The following CSTPP1 variants were observed in gnomAD, a reference collection of about 807,000 sequenced individuals.
The protein encoded by CSTPP1 is centriolar satellite-associated tubulin polyglutamylase complex regulator 1, also known as UPF0705 protein C11orf49.
chr11:47,061,619 A>G, the CSTPP1 span, among the ~76,000 whole-genome samples: 5 of 152,142 alleles, frequency 3.3e-5, no homozygotes, highest in Non-Finnish European at 5.9e-5. Flanking sequence ...GAACTGTTCC[A>G]TGTGGTCTCT....
the CSTPP1 span, among the ~76,000 whole-genome samples, chr11:47,094,229 C>T: frequency 6.6e-6 from 1 of 152,066 alleles, no homozygotes; most frequent in Non-Finnish European, 1.5e-5. Flanking sequence ...CCACTAGCCT[C>T]CTATGGCTAT....
At chr11:46,987,489 A>G in the CSTPP1 span, 2 of 474,490 alleles carry the variant, frequency 4.2e-6, no homozygotes, top group Non-Finnish European at 7.3e-6. Flanking sequence ...TGGTGCAGCT[A>G]GTTTGTCCAG....
the CSTPP1 span, among the ~76,000 whole-genome samples, chr11:46,955,571 G>A: frequency 6.6e-6 from 1 of 151,590 alleles, no homozygotes; most frequent in Non-Finnish European, 1.5e-5. Flanking sequence ...CACCGTGTTG[G>A]CCAGGATGGT....
chr11:47,107,247 G>A, the CSTPP1 span, among the ~76,000 whole-genome samples: 6 of 152,164 alleles, frequency 3.9e-5, no homozygotes, highest in South Asian at 1.2e-3. Flanking sequence ...GGCTCTGGAT[G>A]GTATTATTAA....
chr11:47,114,010 G>C, the CSTPP1 span, among the ~76,000 whole-genome samples: 6,982 of 152,194 alleles, frequency 0.046, 546 homozygotes, highest in African/African-American at 0.16. Flanking sequence ...AATCCATCTT[G>C]AATTAATTTT....
At chr11:47,149,987 C>T in the CSTPP1 span, among the ~76,000 whole-genome samples, 3 of 152,038 alleles carry the variant, frequency 2.0e-5, no homozygotes, top group African/African-American at 4.8e-5. Flanking sequence ...TCTAGATCCC[C>T]GTGGCATCTC....
At chr11:47,122,091 A>AAATATATATATATAT in the CSTPP1 span, among the ~76,000 whole-genome samples, 13 of 31,846 alleles carry the variant, frequency 4.1e-4, no homozygotes, top group Non-Finnish European at 7.0e-4. Context: ...AAAAAAAAAA[A>AAATATATATATATAT]ATATATATAT....
the CSTPP1 span, among the ~76,000 whole-genome samples, chr11:47,101,432 T>C: frequency 1.3e-5 from 2 of 151,836 alleles, no homozygotes; most frequent in Admixed American, 1.3e-4. Flanking sequence ...TATGGATAGT[T>C]TTAAGATGTG....
chr11:46,965,648 C>A, the CSTPP1 span, among the ~76,000 whole-genome samples: 1 of 152,096 alleles, frequency 6.6e-6, no homozygotes, highest in Admixed American at 6.6e-5. Context: ...CAGATGAATT[C>A]TCATATTTGC....
chr11:47,123,089 T>C, the CSTPP1 span: 1 of 152,346 alleles, frequency 6.6e-6, no homozygotes, highest in South Asian at 2.1e-4. Context: ...CTTAATATCA[T>C]GAGGTCATGT....
At chr11:47,103,868 C>G in the CSTPP1 span, 2 of 151,856 alleles carry the variant, frequency 1.3e-5, no homozygotes, top group Non-Finnish European at 2.9e-5. Flanking sequence ...TGGGGTCTCA[C>G]TATGTTGCCC....
chr11:47,066,897 G>A, the CSTPP1 span, among the ~76,000 whole-genome samples: 5 of 152,338 alleles, frequency 3.3e-5, no homozygotes, highest in East Asian at 5.8e-4. Flanking sequence ...TATTAGAGGT[G>A]TGTAGGGTCT....
At chr11:46,941,118 T>C in the CSTPP1 span, among the ~76,000 whole-genome samples, 7 of 152,252 alleles carry the variant, frequency 4.6e-5, no homozygotes, top group Admixed American at 3.9e-4. Flanking sequence ...CAAATGCTTC[T>C]TCATGCTTTG....
chr11:47,157,716 T>A, the CSTPP1 span: 1 of 1,120,396 alleles, frequency 8.9e-7, no homozygotes, highest in Non-Finnish European at 1.3e-6. Flanking sequence ...GGCAGGTCCC[T>A]GGCTTGGCTG....
At chr11:47,080,001 G>A in the CSTPP1 span, among the ~76,000 whole-genome samples, 3 of 152,086 alleles carry the variant, frequency 2.0e-5, no homozygotes, top group East Asian at 5.8e-4. Context: ...GGAGGGTGAG[G>A]CAGGAGAATC....
chr11:47,128,214 C>T, the CSTPP1 span, among the ~76,000 whole-genome samples: 1 of 151,960 alleles, frequency 6.6e-6, no homozygotes, highest in Non-Finnish European at 1.5e-5. Context: ...GTAAGACCCA[C>T]TTAGGTTTTA....
chr11:46,965,220 C>CTT, the CSTPP1 span, among the ~76,000 whole-genome samples: 314 of 115,858 alleles, frequency 2.7e-3, 31 homozygotes, highest in Non-Finnish European at 3.0e-3. Flanking sequence ...ACACAAACAG[C>CTT]TTTTTTTTTT....
the CSTPP1 span, among the ~76,000 whole-genome samples, chr11:47,035,169 T>C: frequency 1.3e-5 from 2 of 152,232 alleles, no homozygotes; most frequent in African/African-American, 4.8e-5. Context: ...TGTTTATAAT[T>C]GTCCTTACCT....
chr11:47,162,834 G>T, the CSTPP1 span, among the ~76,000 whole-genome samples: 1 of 152,112 alleles, frequency 6.6e-6, no homozygotes, highest in Non-Finnish European at 1.5e-5. Context: ...ATCATTACAG[G>T]AACTGCCTCC....
Sources: gnomAD v4.1 joint callset for allele counts (sites outside exome capture counted in the v4.1 genomes callset) on GRCh38, gnomAD v4.1.1 for gene constraint, MANE v1.5 for transcripts, NCBI Gene and HGNC (gene_info 2026-07-23, HGNC 2026-07-21) for gene names.